Variants in POM121C observed in about 807,000 individuals in gnomAD.
POM121C encodes nuclear envelope pore membrane protein POM 121C.
Under a neutral mutation model 66.4 loss-of-function variants are expected in POM121C, and 20 were observed. The ratio of observed to expected loss-of-function variants is 0.30; its 90% CI spans 0.21 to 0.44. The LOEUF (loss-of-function observed/expected upper bound fraction) is 0.44. POM121C is among the 20% of genes least tolerant of loss of function. The pLI, the probability that POM121C is intolerant of heterozygous loss-of-function variation, is 1.00. For missense variants in POM121C, 580 were observed against 1,225.7 expected (o/e 0.47, Z 7.87); for synonymous variants, 286 against 528.0 (o/e 0.54, Z 6.28).
intron 3 of POM121C, among the ~76,000 whole-genome samples, chr7:75,469,015 A>G (rs1343084482): frequency 2.0e-5 from 3 of 152,234 alleles, no homozygotes; most frequent in African/African-American, 7.2e-5. Context: ...AAGTTCACGT[A>G]ACAAAAATCC....
intron 7 of POM121C, among the ~76,000 whole-genome samples, chr7:75,431,300 C>T (rs1254777809): frequency 1.3e-5 from 2 of 152,034 alleles, no homozygotes; most frequent in Non-Finnish European, 2.9e-5. Flanking sequence ...ATCTCATATA[C>T]TGCTGGTAAG....
At chr7:75,485,146 G>T (rs1254059528) in intron 1 of POM121C, among the ~76,000 whole-genome samples, 4 of 152,118 alleles carry the variant, frequency 2.6e-5, no homozygotes, top group Non-Finnish European at 1.5e-5. Context: ...CATCCCGCCC[G>T]CATTTTCTTA....
At chr7:75,430,906 C>T (rs1470246608) in intron 7 of POM121C, among the ~76,000 whole-genome samples, 1 of 151,872 alleles carries the variant, frequency 6.6e-6, no homozygotes, top group East Asian at 1.9e-4. Context: ...GAAACCCTGT[C>T]TTTACTAAAA....
chr7:75,474,082 T>A (rs1554479023), intron 3 of POM121C, among the ~76,000 whole-genome samples: 6 of 152,182 alleles, frequency 3.9e-5, no homozygotes, highest in Non-Finnish European at 1.5e-5. Context: ...GTCAGACTTC[T>A]GAATGCCCCA....
In POM121C at chr7:75,421,977, C is replaced by G; in HGVS notation, c.2275G>C (p.Val759Leu). 6.2e-7 allele frequency: 1 copy of G among 1,613,868 alleles called. No individual in the cohort carries two copies. Among genetic ancestry groups the G allele is most frequent in the Non-Finnish European group, 8.5e-7 (1 of 1,179,874 alleles). Reference sequence around the variant, plus strand: ...AAGGTAGGCTGGATGGGCGTAGGCACGTGCGCAGGCACGATCTTGATCGTG... The same window carrying G: ...AAGGTAGGCTGGATGGGCGTAGGCAGGTGCGCAGGCACGATCTTGATCGTG... ...ASTIKIVPAH[V>L]PTPIQPTFGG... Residue 759 changes from valine (V) to leucine (L), a missense_variant, in exon 13 of 15, where the codon GTG becomes CTG. Physicochemically the swap from Val to Leu is conservative, Grantham distance 32. Coordinates refer to ENST00000615331, the MANE Select transcript of POM121C (RefSeq NM_001099415.3).
intron 1 of POM121C, among the ~76,000 whole-genome samples, 160 bp from the exon 2 acceptor site, chr7:75,475,348 G>T (rs587688242): frequency 1.8e-3 from 275 of 152,074 alleles, no homozygotes; most frequent in Non-Finnish European, 3.1e-3. Flanking sequence ...TATCCTTTGG[G>T]GTCCTTTATA....
At chr7:75,435,450 G>A (rs1263555703) in intron 7 of POM121C, among the ~76,000 whole-genome samples, 1 of 152,192 alleles carries the variant, frequency 6.6e-6, no homozygotes, top group Non-Finnish European at 1.5e-5. Context: ...TTGAATTTTT[G>A]AGTGTATCTT....
rs1296383850 is a variant in POM121C at position 75,424,698 on chromosome 7, C to G, written c.769-70G>C. On this transcript the variant is annotated intron_variant, in intron 10 of 14. Transcript: ENST00000615331. ...GGAAGGCTGGGCGTGGTGGCTAACGCCGGTAATCTCAGCACTCTGGGAGGC... is the reference window on the plus strand; with the variant it reads ...GGAAGGCTGGGCGTGGTGGCTAACGGCGGTAATCTCAGCACTCTGGGAGGC... 15 of 1,586,954 alleles carry G rather than the reference C, an allele frequency of 9.5e-6. No individual in the cohort carries two copies. The South Asian group carries it at 1.2e-4, about 13-fold the overall frequency.
intron 11 of POM121C, 42 bp from the exon 12 acceptor site, chr7:75,424,267 G>A: frequency 6.2e-7 from 1 of 1,603,530 alleles, no homozygotes; most frequent in South Asian, 1.1e-5. Context: ...GCTTGTCTGG[G>A]ACTTCTTTCC....
At chr7:75,460,482 G>A (rs1234116817) in intron 3 of POM121C, among the ~76,000 whole-genome samples, 16 of 151,826 alleles carry the variant, frequency 1.1e-4, no homozygotes, top group Non-Finnish European at 2.2e-4. Flanking sequence ...AGCCAACAGA[G>A]TAAGACTCTG....
chr7:75,482,376 G>A (rs1462218061), intron 1 of POM121C, among the ~76,000 whole-genome samples: 1 of 152,146 alleles, frequency 6.6e-6, no homozygotes, highest in African/African-American at 2.4e-5. Context: ...AGGAGTTTGA[G>A]ACCAGCCTGA....
chr7:75,419,645 C>T (rs1191969322), intron 13 of POM121C: 21 of 616,382 alleles, frequency 3.4e-5, no homozygotes, highest in South Asian at 2.0e-4. Flanking sequence ...TTCTCCCACC[C>T]GCTAATGGCC....
intron 3 of POM121C, among the ~76,000 whole-genome samples, chr7:75,446,701 A>G (rs587772440): frequency 2.0e-4 from 31 of 152,280 alleles, no homozygotes; most frequent in Admixed American, 1.2e-3. Context: ...ACAAAGCTCA[A>G]GAAAATGTAT....
chr7:75,439,912 G>C (rs1315344531), intron 5 of POM121C, among the ~76,000 whole-genome samples: 2 of 136,102 alleles, frequency 1.5e-5, no homozygotes, highest in African/African-American at 5.4e-5. Flanking sequence ...AGACAGTCTC[G>C]CTCTGTCACC....
intron 3 of POM121C, among the ~76,000 whole-genome samples, chr7:75,456,986 C>T (rs1329117635): frequency 6.7e-6 from 1 of 148,852 alleles, no homozygotes; most frequent in Non-Finnish European, 1.5e-5. Context: ...ACCTCTACTG[C>T]TAATACAAAC....
At chr7:75,427,931 C>T (rs1183821765) in intron 7 of POM121C, among the ~76,000 whole-genome samples, 2 of 152,020 alleles carry the variant, frequency 1.3e-5, no homozygotes, top group African/African-American at 2.4e-5. Context: ...AGACTGCTCA[C>T]GGCAATAACA....
chr7:75,419,017 G>C, intron 14 of POM121C, 124 bp from the exon 15 acceptor site: 1 of 1,455,376 alleles, frequency 6.9e-7, no homozygotes, highest in Non-Finnish European at 9.1e-7. Context: ...GGCTTTCCCC[G>C]CTGCGTCAGA....
chr7:75,485,297 C>G (rs1431792678), intron 1 of POM121C, among the ~76,000 whole-genome samples: 2 of 152,078 alleles, frequency 1.3e-5, no homozygotes, highest in Non-Finnish European at 2.9e-5. Flanking sequence ...ACCTAATAAT[C>G]TTCTATTAAG....
chr7:75,456,827 T>C (rs1554476351), intron 3 of POM121C, among the ~76,000 whole-genome samples: 2 of 152,106 alleles, frequency 1.3e-5, no homozygotes, highest in African/African-American at 4.8e-5. Flanking sequence ...ATTTCTCTTC[T>C]AATTACAACT....
Sources: allele counts gnomAD v4.1 joint callset (sites outside exome capture counted in the v4.1 genomes callset), GRCh38; gene constraint gnomAD v4.1.1; transcripts MANE v1.5; gene names NCBI Gene and HGNC (gene_info 2026-07-23, HGNC 2026-07-21).